VEGFC: variants seen among roughly 807,000 people sequenced by gnomAD.
VEGFC encodes the protein vascular endothelial growth factor C, also known as FLT4 ligand DHM.
Under a neutral mutation model 46.1 loss-of-function variants are expected in VEGFC, and 12 were observed. The observed-to-expected ratio is 0.26, with a 90% CI of 0.17 to 0.42. The LOEUF is 0.42. Ranked by LOEUF, VEGFC falls within the 10% of genes least tolerant of loss-of-function variation. The pLI is 1.00. For missense variants in VEGFC, 488 were observed against 529.4 expected (o/e 0.92, Z 0.77); for synonymous variants, 232 against 195.5 (o/e 1.19, Z -1.56).
chr4:176,692,113 G>C (rs959086808), intron 4 of VEGFC, among the ~76,000 whole-genome samples: 8 of 152,048 alleles, frequency 5.3e-5, no homozygotes, highest in African/African-American at 1.7e-4. Context: ...ACGGCGCACC[G>C]GCCCGGCGCG....
At chr4:176,724,954 G>T (rs545065063) in intron 3 of VEGFC, among the ~76,000 whole-genome samples, 1 of 152,204 alleles carries the variant, frequency 6.6e-6, no homozygotes, top group Admixed American at 6.5e-5. Context: ...TGGTTGAGGG[G>T]TACAAAAGCA....
chr4:176,718,921 C>T (rs1466308774), intron 3 of VEGFC, among the ~76,000 whole-genome samples: 6 of 152,266 alleles, frequency 3.9e-5, no homozygotes, highest in Middle Eastern at 3.4e-3. Context: ...GGTTATATCT[C>T]TTAAACATAC....
rs1235463586 is a variant in VEGFC, at chr4:176,737,250, G to T, written c.148-7504C>A. Among the ~76,000 whole-genome samples, 3 of 143,280 alleles carry T rather than the reference G, an allele frequency of 2.1e-5. No homozygotes were observed. The East Asian group carries it at 6.2e-4, about 30-fold the overall frequency. The allele number at this position is 143,280 out of a possible 152,430, so 94.0% of individuals were successfully genotyped here. A position where few individuals can be genotyped will look rare whatever the true frequency, so the allele number is the denominator to read the frequency against. ...ATATTCTATATTTATTAACATTAAT[G>T]TTAAATGTTAATAAATATAGAATAT... On this transcript the variant is annotated intron_variant, in intron 1 of 6. Coordinates refer to ENST00000618562, the MANE Select transcript of VEGFC (RefSeq NM_005429.5).
intron 4 of VEGFC, chr4:176,705,934 A>G (rs1734526136): frequency 6.6e-6 from 1 of 152,200 alleles, no homozygotes; most frequent in South Asian, 2.1e-4. Context: ...GAAAGTTTAC[A>G]GAACCTACTC....
chr4:176,740,421 A>G (rs1735149333), intron 1 of VEGFC, among the ~76,000 whole-genome samples: 1 of 51,508 alleles, frequency 1.9e-5, no homozygotes, highest in South Asian at 1.1e-3. Context: ...TATATTCTAT[A>G]TATAGTTATA....
intron 4 of VEGFC, among the ~76,000 whole-genome samples, chr4:176,704,679 C>T (rs182462910): frequency 5.5e-4 from 83 of 152,280 alleles, no homozygotes; most frequent in Non-Finnish European, 1.1e-3. Context: ...AATCCACACA[C>T]TCCCTTGCCA....
At chr4:176,713,812 G>A (rs1734655657) in intron 3 of VEGFC, among the ~76,000 whole-genome samples, 2 of 152,178 alleles carry the variant, frequency 1.3e-5, no homozygotes, top group African/African-American at 4.8e-5. Flanking sequence ...AGCATCAGGA[G>A]GGGAGACTGT....
chr4:176,687,162 A>G (rs533775709), intron 6 of VEGFC, 25 bp downstream of exon 6: 2 of 1,586,920 alleles, frequency 1.3e-6, no homozygotes, highest in East Asian at 4.5e-5. Flanking sequence ...AAGATAAATT[A>G]ATATTCTTCA....
At chr4:176,785,789 G>A (rs1396477461) in intron 1 of VEGFC, among the ~76,000 whole-genome samples, 2 of 152,174 alleles carry the variant, frequency 1.3e-5, no homozygotes, top group Non-Finnish European at 2.9e-5. Flanking sequence ...GTCACACTTG[G>A]CAGTCTGAAG....
intron 1 of VEGFC, among the ~76,000 whole-genome samples, chr4:176,784,738 C>T (rs1579143378): frequency 1.0e-5 from 1 of 98,442 alleles, no homozygotes; most frequent in African/African-American, 4.1e-5. Context: ...GCCTGGGCTA[C>T]AGAGCCAGAG....
intron 3 of VEGFC, among the ~76,000 whole-genome samples, chr4:176,711,951 G>GA (rs1266372591): frequency 6.6e-6 from 1 of 151,902 alleles, no homozygotes; most frequent in African/African-American, 2.4e-5. Context: ...ATGTGTTCAA[G>GA]AAAAAAGAAC....
intron 1 of VEGFC, among the ~76,000 whole-genome samples, chr4:176,733,660 T>C (rs1315346769): frequency 6.6e-6 from 1 of 151,820 alleles, no homozygotes; most frequent in Admixed American, 6.6e-5. Flanking sequence ...GGAGAAGTGA[T>C]GTATCTTGAC....
In VEGFC at chr4:176,787,255, G is replaced by A. The variant is rs1179560343; in HGVS notation, c.147+4910C>T. ...GTGGATCACCTGAAGTCAGGAGTTT[G>A]AAACCAGCTTCGCCTACAAGACAAA... On this transcript the variant is annotated intron_variant, in intron 1 of 6. Transcript: ENST00000618562. Among the ~76,000 whole-genome samples, 3 of 151,972 alleles carry A rather than the reference G, an allele frequency of 2.0e-5. No individual in the cohort carries two copies. In the East Asian group the frequency reaches 5.8e-4, roughly 30 times the overall value.
At chr4:176,784,438 G>A (rs747281597) in intron 1 of VEGFC, among the ~76,000 whole-genome samples, 29 of 151,776 alleles carry the variant, frequency 1.9e-4, no homozygotes, top group Middle Eastern at 6.3e-3. Flanking sequence ...CATTTTGGAA[G>A]AGGACTTTTA....
At chr4:176,753,320 C>T (rs1191509455) in intron 1 of VEGFC, among the ~76,000 whole-genome samples, 1 of 152,020 alleles carries the variant, frequency 6.6e-6, no homozygotes, top group Non-Finnish European at 1.5e-5. Flanking sequence ...AGAGAGAAGC[C>T]AGCAACTGCA....
chr4:176,791,431 CA>C, intron 1 of VEGFC, among the ~76,000 whole-genome samples: 2 of 151,580 alleles, frequency 1.3e-5, no homozygotes, highest in Admixed American at 1.3e-4. Context: ...CATTTTCAGG[CA>C]AAGGATTAAA....
At chr4:176,705,612 C>T (rs1000009667) in intron 4 of VEGFC, among the ~76,000 whole-genome samples, 5 of 152,036 alleles carry the variant, frequency 3.3e-5, no homozygotes, top group African/African-American at 1.2e-4. Flanking sequence ...ACTCAATTTC[C>T]AAATCTGTAG....
At chr4:176,769,398 CT>C in intron 1 of VEGFC, among the ~76,000 whole-genome samples, 1 of 152,126 alleles carries the variant, frequency 6.6e-6, no homozygotes, top group Non-Finnish European at 1.5e-5. Flanking sequence ...GCGGTCTCAC[CT>C]GTGACCATCA....
chr4:176,698,515 A>G (rs1295903216), intron 4 of VEGFC, among the ~76,000 whole-genome samples: 2 of 152,134 alleles, frequency 1.3e-5, no homozygotes, highest in Non-Finnish European at 2.9e-5. Context: ...ATGTTTTGGT[A>G]TATGTATACA....
Sources: allele counts gnomAD v4.1 joint callset (sites outside exome capture counted in the v4.1 genomes callset), GRCh38; gene constraint gnomAD v4.1.1; transcripts MANE v1.5; gene names NCBI Gene and HGNC (gene_info 2026-07-23, HGNC 2026-07-21).